The following SLC2A10 variants were observed in gnomAD, a reference collection of about 807,000 sequenced individuals.
The protein encoded by SLC2A10 is solute carrier family 2, facilitated glucose transporter member 10.
A neutral mutation model predicts 32.1 loss-of-function variants in SLC2A10; 25 were observed. The ratio of observed to expected loss-of-function variants is 0.78; its 90% CI spans 0.57 to 1.09. The LOEUF (loss-of-function observed/expected upper bound fraction) is 1.09, where lower values mean the gene tolerates loss of function less well. Among genes scored for constraint, SLC2A10 ranks in the 50% least tolerant of loss-of-function variants. SLC2A10 has a pLI of 0.00. For synonymous variants in SLC2A10, 332 were observed against 309.6 expected, an observed-to-expected ratio of 1.07 and a Z score of -0.76; for missense variants, 673 against 686.5, an observed-to-expected ratio of 0.98 and a Z score of 0.22.
chr20:46,722,972 C>A (rs1418502433), intron 1 of SLC2A10, among the ~76,000 whole-genome samples: 1 of 152,320 alleles, frequency 6.6e-6, no homozygotes, highest in African/African-American at 2.4e-5. Context: ...ACTAGCCTTC[C>A]AACCTGGGTT....
Position 46,725,693 on chromosome 20 carries a change from G to A in SLC2A10, c.657G>A (p.Leu219=), listed in dbSNP as rs1979876353. 6.2e-7 allele frequency: 1 copy of A among 1,613,982 alleles called. No individual in the cohort carries two copies. ...CGGGGAGGCCACGGTACTCCTTTCT[G>A]GACCTCTTCAGGGCACGCGATAACA... ...LGPGRPRYSF[L]DLFRARDNMR... Residue 219 remains leucine, a synonymous_variant, in exon 2 of 5, where the codon CTG becomes CTA. Transcript: ENST00000359271.
In SLC2A10 at chr20:46,734,303, T is replaced by A; in HGVS notation, c.*469T>A. The A allele has an allele frequency of 4.7e-6, 1 of 214,502 alleles. No individual in the cohort carries two copies. Among genetic ancestry groups the A allele is most frequent in the Non-Finnish European group, 9.4e-6 (1 of 106,162 alleles). 13.3% of individuals were successfully genotyped at this position (214,502 alleles called of 1,614,324 possible). On this transcript the variant is annotated 3_prime_UTR_variant, in exon 5 of 5. Transcript: ENST00000359271. ...TTTTTTTACTCTTATCATTTTTTTT[T>A]TTTGAGGTGGAGTCTCATTCTGTTG...
intron 1 of SLC2A10, among the ~76,000 whole-genome samples, chr20:46,722,543 T>C (rs1465172324): frequency 6.6e-6 from 1 of 152,208 alleles, no homozygotes; most frequent in Non-Finnish European, 1.5e-5. Context: ...CTACAGGCAT[T>C]TTTAAAGAAC....
At chr20:46,709,803 C>T (rs1339513124) in intron 1 of SLC2A10, 63 bp downstream of exon 1, 2 of 1,535,126 alleles carry the variant, frequency 1.3e-6, no homozygotes, top group Non-Finnish European at 1.8e-6. Flanking sequence ...TAGACACCGC[C>T]CCCACGCTCC....
At position 46,735,414 on chromosome 20, in the gene SLC2A10, T is replaced by C. The variant is rs956965162; in HGVS notation, c.*1580T>C. ...GGTAAACACAGCCATTATAAAAAAT[T>C]AAATGATTTAAATTTATAATTAAGT... On this transcript the variant is annotated 3_prime_UTR_variant, in exon 5 of 5. Coordinates refer to ENST00000359271, the MANE Select transcript of SLC2A10 (RefSeq NM_030777.4). 6.6e-6 allele frequency: 1 copy of C among 152,600 alleles called. No individual in the cohort carries two copies. The highest frequency in any genetic ancestry group is 2.4e-5 in the African/African-American group (1 of 41,452). The allele number at this position is 152,600 out of a possible 1,614,324, so 9.5% of individuals were successfully genotyped here. A position where few individuals can be genotyped will look rare whatever the true frequency, so the allele number is the denominator to read the frequency against.
intron 3 of SLC2A10, 113 bp from the exon 4 acceptor site, chr20:46,729,240 T>C: frequency 3.7e-6 from 5 of 1,363,320 alleles, no homozygotes; most frequent in Non-Finnish European, 4.2e-6. Flanking sequence ...AACGGGAACA[T>C]TTGCTTTGAG....
chr20:46,724,918 G>A, intron 1 of SLC2A10, 123 bp from the exon 2 acceptor site: 1 of 1,212,198 alleles, frequency 8.2e-7, no homozygotes, highest in Non-Finnish European at 1.2e-6. Context: ...TGAATGGATG[G>A]TTGAATAGAT....
At chr20:46,714,288 C>T (rs772974667) in intron 1 of SLC2A10, among the ~76,000 whole-genome samples, 1 of 152,188 alleles carries the variant, frequency 6.6e-6, no homozygotes, top group Non-Finnish European at 1.5e-5. Context: ...GTGGTATTCA[C>T]CTCTGCCTAG....
At chr20:46,714,924 T>G (rs1002806908) in intron 1 of SLC2A10, among the ~76,000 whole-genome samples, 2 of 152,216 alleles carry the variant, frequency 1.3e-5, no homozygotes, top group African/African-American at 4.8e-5. Flanking sequence ...CCTCCACCTC[T>G]GCCTCCTGCA....
chr20:46,720,640 C>T (rs8123413), intron 1 of SLC2A10, among the ~76,000 whole-genome samples: 2 of 152,122 alleles, frequency 1.3e-5, no homozygotes, highest in South Asian at 2.1e-4. Flanking sequence ...TGGGTCATGG[C>T]GTGCTTTCCT....
chr20:46,712,035 G>C (rs1486086749), intron 1 of SLC2A10, among the ~76,000 whole-genome samples: 1 of 152,192 alleles, frequency 6.6e-6, no homozygotes, highest in African/African-American at 2.4e-5. Context: ...TTGGGGAAAT[G>C]TCTTCACCTC....
At chr20:46,718,773 T>C (rs2065328702) in intron 1 of SLC2A10, among the ~76,000 whole-genome samples, 1 of 152,128 alleles carries the variant, frequency 6.6e-6, no homozygotes. Flanking sequence ...ATGTATATTT[T>C]ATATTTTATT....
At chr20:46,714,827 T>C (rs1402777121) in intron 1 of SLC2A10, among the ~76,000 whole-genome samples, 1 of 152,160 alleles carries the variant, frequency 6.6e-6, no homozygotes, top group East Asian at 1.9e-4. Context: ...CCAACTCCTT[T>C]GAGGTCCTCC....
rs34965637 is a variant in SLC2A10, at chr20:46,733,863, C to G, written c.*29C>G. On this transcript the variant is annotated 3_prime_UTR_variant, in exon 5 of 5. Coordinates refer to ENST00000359271, the MANE Select transcript of SLC2A10 (RefSeq NM_030777.4). ...ATCCGTCTGCCTGGAAATTCTGGAACTGTGGCTTTGGCAGACCATCTCCAG... is the reference window on the plus strand; with the variant it reads ...ATCCGTCTGCCTGGAAATTCTGGAAGTGTGGCTTTGGCAGACCATCTCCAG... The G allele has an allele frequency of 1.5e-3, 2,393 of 1,607,880 alleles. 31 individuals carry two copies. Among genetic ancestry groups the G allele is most frequent in the East Asian group, 0.012 (554 of 44,828 alleles).
intron 1 of SLC2A10, among the ~76,000 whole-genome samples, chr20:46,722,249 T>C (rs1979598104): frequency 6.6e-6 from 1 of 152,076 alleles, no homozygotes; most frequent in Admixed American, 6.6e-5. Context: ...GGTGAGCAGG[T>C]CTATGCAAAC....
chr20:46,733,951 C>G lies in SLC2A10; in HGVS notation c.*117C>G. On this transcript the variant is annotated 3_prime_UTR_variant, in exon 5 of 5. Coordinates refer to ENST00000359271, the MANE Select transcript of SLC2A10 (RefSeq NM_030777.4). ...TGGTCTTTTGGGAGTGGCCCCTGCC[C>G]CCAAAGGTGGTCTGCTTTTGCTGGG... The G allele has an allele frequency of 2.1e-6, 2 of 951,362 alleles. No individual in the cohort carries two copies. Among genetic ancestry groups the G allele is most frequent in the Admixed American group, 2.0e-5 (1 of 50,618 alleles). The allele number at this position is 951,362 out of a possible 1,614,324, so 58.9% of individuals were successfully genotyped here.
chr20:46,718,373 C>A (rs1415863294), intron 1 of SLC2A10, among the ~76,000 whole-genome samples: 1 of 152,178 alleles, frequency 6.6e-6, no homozygotes, highest in Admixed American at 6.5e-5. Context: ...TGTCAAGGAA[C>A]CAACTTGAGT....
chr20:46,724,879 T>C (rs865790374), intron 1 of SLC2A10, among the ~76,000 whole-genome samples, 162 bp from the exon 2 acceptor site: 1 of 147,602 alleles, frequency 6.8e-6, no homozygotes, highest in African/African-American at 2.5e-5. Context: ...GATGGACGGA[T>C]GGATGGATGG....
chr20:46,708,617 A>G (rs563427453), upstream of SLC2A10, among the ~76,000 whole-genome samples: 16 of 152,326 alleles, frequency 1.1e-4, no homozygotes, highest in African/African-American at 3.8e-4. Context: ...CCACAGTGAC[A>G]TGAGCCCAAA....
Sources: allele counts gnomAD v4.1 joint callset (sites outside exome capture counted in the v4.1 genomes callset), GRCh38; gene constraint gnomAD v4.1.1; transcripts MANE v1.5; gene names NCBI Gene and HGNC (gene_info 2026-07-23, HGNC 2026-07-21).